CAMTA1: variants seen among roughly 807,000 people sequenced by gnomAD.
CAMTA1 encodes calmodulin-binding transcription activator 1.
A neutral mutation model predicts 170.9 loss-of-function variants in CAMTA1; 27 were observed. That is an observed-to-expected ratio of 0.16 (90% CI 0.12 to 0.22). The LOEUF (loss-of-function observed/expected upper bound fraction) is 0.22. Ranked by LOEUF, CAMTA1 falls within the 10% of genes least tolerant of loss-of-function variation. CAMTA1 has a pLI of 1.00. For missense variants in CAMTA1, 1,619 were observed against 2,217.2 expected, an observed-to-expected ratio of 0.73 and a Z score of 5.42; for synonymous variants, 833 against 891.5, an observed-to-expected ratio of 0.93 and a Z score of 1.17.
chr1:7,105,276 G>A (rs964761116), intron 4 of CAMTA1, among the ~76,000 whole-genome samples: 1 of 152,222 alleles, frequency 6.6e-6, no homozygotes, highest in Admixed American at 6.5e-5. Context: ...TTTAAATGAA[G>A]ATTGAAAACA....
rs1428550168 is a variant in CAMTA1, at chr1:7,063,070, A to G, written c.235-28234A>G. On this transcript the variant is annotated intron_variant, in intron 3 of 22. Coordinates refer to ENST00000303635, the MANE Select transcript of CAMTA1 (RefSeq NM_015215.4). This position sits in a 1 kb window ranked among gnomAD's most constrained non-coding sequence, Gnocchi z 4.3. Reference sequence around the variant, plus strand: ...ACTTCAACATATCTTTTTGGGGAACACGGATTCATTTTTCTCACTTCCCTA... The same window carrying G: ...ACTTCAACATATCTTTTTGGGGAACGCGGATTCATTTTTCTCACTTCCCTA... Among the ~76,000 whole-genome samples, 1 of 152,212 alleles carries G rather than the reference A, an allele frequency of 6.6e-6. No individual in the cohort carries two copies. Among genetic ancestry groups the G allele is most frequent in the Non-Finnish European group, 1.5e-5 (1 of 68,038 alleles).
At chr1:7,257,963 A>T (rs1182582918) in intron 5 of CAMTA1, among the ~76,000 whole-genome samples, 1 of 152,200 alleles carries the variant, frequency 6.6e-6, no homozygotes, top group Admixed American at 6.5e-5. Flanking sequence ...GACACTGGCC[A>T]TTGCTGAGGA....
intron 6 of CAMTA1, among the ~76,000 whole-genome samples, chr1:7,471,651 C>T (rs143303444): frequency 2.0e-3 from 307 of 152,382 alleles, no homozygotes; most frequent in African/African-American, 7.1e-3. Context: ...GGCAGTGCTC[C>T]GTTCTCCCGA....
At chr1:7,246,656 C>A (rs1665835725) in intron 4 of CAMTA1, among the ~76,000 whole-genome samples, 1 of 149,948 alleles carries the variant, frequency 6.7e-6, no homozygotes, top group South Asian at 2.1e-4. Context: ...TCCCTTCCCA[C>A]CAGCTCTGAC....
chr1:6,846,924 A>G (rs1658388476), intron 3 of CAMTA1, among the ~76,000 whole-genome samples: 1 of 151,914 alleles, frequency 6.6e-6, no homozygotes, highest in Non-Finnish European at 1.5e-5. Context: ...AAGGTATAAT[A>G]GAATTATAAA....
At chr1:7,261,822 G>A (rs968102642) in intron 5 of CAMTA1, among the ~76,000 whole-genome samples, 1 of 152,220 alleles carries the variant, frequency 6.6e-6, no homozygotes. Context: ...GGCGTTGTCT[G>A]ATAGCTTGAG....
At chr1:6,973,255 T>G (rs1160553964) in intron 3 of CAMTA1, among the ~76,000 whole-genome samples, 1 of 152,230 alleles carries the variant, frequency 6.6e-6, no homozygotes, top group South Asian at 2.1e-4. Flanking sequence ...TGAAATTTTA[T>G]ACATGTTGAA....
At chr1:7,128,811 C>T (rs1645077200) in intron 4 of CAMTA1, among the ~76,000 whole-genome samples, 1 of 146,526 alleles carries the variant, frequency 6.8e-6, no homozygotes, top group Non-Finnish European at 1.5e-5. Flanking sequence ...TGTGCCACCA[C>T]ACCCGATTAG....
chr1:6,901,763 C>T (rs1034663908), intron 3 of CAMTA1, among the ~76,000 whole-genome samples: 1 of 152,096 alleles, frequency 6.6e-6, no homozygotes, highest in Non-Finnish European at 1.5e-5. Flanking sequence ...GAAACTCTTG[C>T]CTGGTGCGGT....
intron 3 of CAMTA1, among the ~76,000 whole-genome samples, chr1:6,988,142 C>T (rs1695673250): frequency 6.6e-6 from 1 of 152,178 alleles, no homozygotes; most frequent in Admixed American, 6.5e-5. Context: ...CCACCATTGG[C>T]TGTGCAGTGA....
At chr1:7,573,405 T>G (rs1030942891) in intron 6 of CAMTA1, among the ~76,000 whole-genome samples, 2 of 152,196 alleles carry the variant, frequency 1.3e-5, no homozygotes, top group African/African-American at 4.8e-5. Flanking sequence ...CACAGCTGCT[T>G]CCGTGCCATC....
chr1:7,509,162 T>C (rs2094164880), intron 6 of CAMTA1, among the ~76,000 whole-genome samples: 1 of 152,224 alleles, frequency 6.6e-6, no homozygotes, highest in African/African-American at 2.4e-5. Flanking sequence ...CCCTAAAGAA[T>C]AAGCAGGTTG....
In CAMTA1 at chr1:7,010,156, G is replaced by T. The variant is rs1215260490; in HGVS notation, c.235-81148G>T. ...TGGGTCTTACCAGGAACCATGGCCT[G>T]CAGGACACTGCTGCGAGGAGGGCTT... On this transcript the variant is annotated intron_variant, in intron 3 of 22. Coordinates refer to ENST00000303635, the MANE Select transcript of CAMTA1 (RefSeq NM_015215.4). The surrounding 1 kb of genome is among the most constrained non-coding windows in gnomAD (Gnocchi z 4.4). 6.6e-6 allele frequency among the ~76,000 whole-genome samples: 1 copy of T among 152,212 alleles called. No homozygotes were observed. The highest frequency in any genetic ancestry group is 1.5e-5 in the Non-Finnish European group (1 of 68,020).
At chr1:7,157,028 A>G (rs1646923000) in intron 4 of CAMTA1, among the ~76,000 whole-genome samples, 2 of 152,154 alleles carry the variant, frequency 1.3e-5, no homozygotes, top group Non-Finnish European at 2.9e-5. Context: ...GTATTTGACA[A>G]CACTTAACAC....
chr1:7,544,895 G>A (rs1264617206), intron 6 of CAMTA1, among the ~76,000 whole-genome samples: 1 of 152,186 alleles, frequency 6.6e-6, no homozygotes, highest in African/African-American at 2.4e-5. Flanking sequence ...TCCCTCAGGA[G>A]GAAGAAATTA....
intron 3 of CAMTA1, among the ~76,000 whole-genome samples, chr1:6,847,082 C>T (rs927096311): frequency 5.3e-5 from 8 of 151,344 alleles, no homozygotes; most frequent in Admixed American, 6.6e-5. Context: ...TGGCTCACTG[C>T]AACCTCTGCC....
intron 6 of CAMTA1, among the ~76,000 whole-genome samples, chr1:7,471,765 C>A (rs933299018): frequency 6.6e-6 from 1 of 152,200 alleles, no homozygotes; most frequent in African/African-American, 2.4e-5. Context: ...CTGGACAGAG[C>A]GGTCCCTCCT....
chr1:7,691,696 A>T (rs2096313743), intron 11 of CAMTA1, among the ~76,000 whole-genome samples: 1 of 152,142 alleles, frequency 6.6e-6, no homozygotes, highest in African/African-American at 2.4e-5. Flanking sequence ...GTGAAAAGTC[A>T]ATGGCAGGTG....
intron 3 of CAMTA1, among the ~76,000 whole-genome samples, chr1:7,077,962 G>A (rs1451619317): frequency 4.6e-5 from 7 of 151,776 alleles, no homozygotes; most frequent in African/African-American, 1.7e-4. Context: ...TGTGGGTGGG[G>A]TTATTTATGG....
Sources: gnomAD v4.1 joint callset for allele counts (sites outside exome capture counted in the v4.1 genomes callset) on GRCh38, gnomAD v4.1.1 for gene constraint, Gnocchi (gnomAD v3.1) non-coding constraint, MANE v1.5 for transcripts, NCBI Gene and HGNC (gene_info 2026-07-23, HGNC 2026-07-21) for gene names.